ASTN1: variants seen among roughly 807,000 people sequenced by gnomAD.
The protein encoded by ASTN1 is astrotactin 1, also known as astrotactin-1.
ASTN1 carries 41 observed loss-of-function variants against 140.7 expected under a neutral mutation model. The observed-to-expected ratio is 0.29, with a 90% CI of 0.23 to 0.38. The LOEUF is 0.38. Ranked by LOEUF, ASTN1 falls within the 10% of genes least tolerant of loss-of-function variation. The pLI, the probability that ASTN1 is intolerant of heterozygous loss-of-function variation, is 1.00. For synonymous variants in ASTN1, 640 were observed against 652.2 expected, an observed-to-expected ratio of 0.98 and a Z score of 0.29; for missense variants, 1,479 against 1,678.8, an observed-to-expected ratio of 0.88 and a Z score of 2.08.
intron 20 of ASTN1, among the ~76,000 whole-genome samples, chr1:176,878,048 C>T (rs948693491): frequency 4.6e-5 from 7 of 152,186 alleles, no homozygotes; most frequent in Non-Finnish European, 8.8e-5. Flanking sequence ...TGCCCCAATA[C>T]GCCATTTGCC....
At chr1:176,993,997 G>A (rs571772705) in intron 8 of ASTN1, among the ~76,000 whole-genome samples, 2 of 152,186 alleles carry the variant, frequency 1.3e-5, no homozygotes, top group South Asian at 4.1e-4. Context: ...GACTCATTTA[G>A]ATGTGAGAAC....
intron 5 of ASTN1, chr1:177,029,295 C>A (rs1676297933): frequency 3.9e-6 from 2 of 509,566 alleles, no homozygotes; most frequent in Non-Finnish European, 8.0e-6. Context: ...TTTTCACATA[C>A]AACACACTTT....
At chr1:176,915,582 T>C (rs1327826919) in intron 16 of ASTN1, among the ~76,000 whole-genome samples, 2 of 152,162 alleles carry the variant, frequency 1.3e-5, no homozygotes, top group Admixed American at 1.3e-4. Flanking sequence ...CAGCTTCCAA[T>C]CTATTGGCAT....
At chr1:177,013,123 C>T (rs1196846558) in intron 8 of ASTN1, among the ~76,000 whole-genome samples, 2 of 152,162 alleles carry the variant, frequency 1.3e-5, no homozygotes, top group Non-Finnish European at 2.9e-5. Context: ...CCCAATCTTT[C>T]AATAACAGGC....
At chr1:176,909,249 T>C (rs1670128084) in intron 16 of ASTN1, among the ~76,000 whole-genome samples, 1 of 152,184 alleles carries the variant, frequency 6.6e-6, no homozygotes, top group Non-Finnish European at 1.5e-5. Context: ...AAGGAAAAGA[T>C]GATGTTAAAT....
rs141291790 is a variant in ASTN1 at position 176,982,884 on chromosome 1, C to T, written c.1524-17647G>A. On this transcript the variant is annotated intron_variant, in intron 8 of 22. Transcript: ENST00000361833. ...TGGTCTAGCAGGGACAATTATATGT[C>T]TGCACATGTTTATGTAAGGTAAGGA... 1.7e-4 allele frequency among the ~76,000 whole-genome samples: 26 copies of T among 152,182 alleles called. No individual in the cohort carries two copies. In the East Asian group the frequency reaches 4.8e-3, roughly 28 times the overall value.
At chr1:177,118,748 T>A (rs1262639795) in intron 1 of ASTN1, among the ~76,000 whole-genome samples, 1 of 152,150 alleles carries the variant, frequency 6.6e-6, no homozygotes, top group Non-Finnish European at 1.5e-5. Context: ...GTGTATATAA[T>A]GTTAGAAATG....
rs548749431 is a variant in ASTN1 at position 177,075,420 on chromosome 1, C to A, written c.284-14155G>T. On this transcript the variant is annotated intron_variant, in intron 1 of 22. Transcript: ENST00000361833. ...AACTTGACTTTTAAAAGGTTTCATT[C>A]ATCAAAAAAAAAAAAAAAAATACTA... 2.5e-3 allele frequency among the ~76,000 whole-genome samples: 39 copies of A among 15,530 alleles called. No homozygotes were observed. In the South Asian group the frequency reaches 0.12, roughly 49 times the overall value. 10.2% of individuals were successfully genotyped at this position (15,530 alleles called of 152,430 possible). A position where few individuals can be genotyped will look rare whatever the true frequency, so the allele number is the denominator to read the frequency against.
At chr1:176,942,376 A>G (rs1020184044) in intron 14 of ASTN1, among the ~76,000 whole-genome samples, 2 of 152,102 alleles carry the variant, frequency 1.3e-5, no homozygotes, top group African/African-American at 4.8e-5. Context: ...TGAGGCTGTT[A>G]ATCACTATGC....
intron 14 of ASTN1, among the ~76,000 whole-genome samples, chr1:176,939,047 G>A (rs1210246776): frequency 6.6e-6 from 1 of 152,036 alleles, no homozygotes; most frequent in Non-Finnish European, 1.5e-5. Flanking sequence ...AGGGGGCGGA[G>A]GTTGCAGTGG....
At chr1:176,934,944 A>G (rs558021954) in intron 15 of ASTN1, among the ~76,000 whole-genome samples, 1 of 152,318 alleles carries the variant, frequency 6.6e-6, no homozygotes, top group Non-Finnish European at 1.5e-5. Context: ...AGTCACTAAT[A>G]CACTCCTATT....
chr1:177,098,638 C>T (rs949471950), intron 1 of ASTN1, among the ~76,000 whole-genome samples: 10 of 151,700 alleles, frequency 6.6e-5, no homozygotes, highest in Non-Finnish European at 1.0e-4. Flanking sequence ...GAAGAAAAAA[C>T]GAAGGGGAAA....
At chr1:177,019,739 A>T (rs1345949322) in intron 7 of ASTN1, among the ~76,000 whole-genome samples, 1 of 152,240 alleles carries the variant, frequency 6.6e-6, no homozygotes, top group Non-Finnish European at 1.5e-5. Flanking sequence ...GGCTGGAATG[A>T]AAAACAGATC....
chr1:177,021,078 G>A (rs1202214217), intron 7 of ASTN1, among the ~76,000 whole-genome samples: 6 of 152,190 alleles, frequency 3.9e-5, no homozygotes, highest in South Asian at 2.1e-4. Flanking sequence ...TGTGGGAGGC[G>A]ATAAAGTTTC....
intron 11 of ASTN1, among the ~76,000 whole-genome samples, chr1:176,953,529 T>A (rs750929864): frequency 1.3e-5 from 2 of 151,806 alleles, no homozygotes; most frequent in Non-Finnish European, 2.9e-5. Context: ...TTTGATGGAG[T>A]CAAATTTATA....
intron 1 of ASTN1, among the ~76,000 whole-genome samples, chr1:177,102,881 T>C (rs188715336): frequency 2.0e-5 from 3 of 152,174 alleles, no homozygotes; most frequent in African/African-American, 7.2e-5. Context: ...CCAAAAGACT[T>C]CAGAGAAACC....
chr1:177,106,718 T>G (rs1680560669), intron 1 of ASTN1, among the ~76,000 whole-genome samples: 1 of 152,186 alleles, frequency 6.6e-6, no homozygotes, highest in South Asian at 2.1e-4. Context: ...ACAGATCCAA[T>G]CAACAAAGCA....
At chr1:176,994,464 C>A (rs866645817) in intron 8 of ASTN1, among the ~76,000 whole-genome samples, 1 of 152,238 alleles carries the variant, frequency 6.6e-6, no homozygotes, top group Middle Eastern at 3.4e-3. Flanking sequence ...CTGCCTCAAC[C>A]TCCCAAGTAG....
intron 2 of ASTN1, among the ~76,000 whole-genome samples, chr1:177,039,937 A>G (rs1000057265): frequency 2.0e-5 from 3 of 152,166 alleles, no homozygotes; most frequent in Non-Finnish European, 2.9e-5. Flanking sequence ...TCTCCTCACA[A>G]GCAGATCCGC....
Sources: gnomAD v4.1 joint callset for allele counts (sites outside exome capture counted in the v4.1 genomes callset) on GRCh38, gnomAD v4.1.1 for gene constraint, MANE v1.5 for transcripts, NCBI Gene and HGNC (gene_info 2026-07-23, HGNC 2026-07-21) for gene names.